The following PMFBP1 variants were observed in gnomAD, a reference collection of about 807,000 sequenced individuals.
PMFBP1 encodes polyamine-modulated factor 1-binding protein 1.
In PMFBP1, 131 loss-of-function variants were observed where a neutral mutation model predicts 137.8. That is an observed-to-expected ratio of 0.95 (90% confidence interval 0.82 to 1.10). The LOEUF (loss-of-function observed/expected upper bound fraction) is 1.10. Ranked by LOEUF, PMFBP1 falls within the 50% of genes least tolerant of loss-of-function variation. PMFBP1 has a pLI of 0.00. For missense variants in PMFBP1, 1,199 were observed against 1,175.4 expected, an observed-to-expected ratio of 1.02 and a Z score of -0.29; for synonymous variants, 490 against 450.4, an observed-to-expected ratio of 1.09 and a Z score of -1.11.
chr16:72,164,266 A>G, intron 3 of PMFBP1: 1 of 527,998 alleles, frequency 1.9e-6, no homozygotes, highest in Non-Finnish European at 3.2e-6. Flanking sequence ...TGAGAACCTG[A>G]GCTTGTCCTA....
At chr16:72,119,474 T>C (rs1296462901) in intron 20 of PMFBP1, 120 bp from the exon 21 acceptor site, 1 of 1,583,296 alleles carries the variant, frequency 6.3e-7, no homozygotes, top group Non-Finnish European at 8.6e-7. Flanking sequence ...GCCTCTGGGG[T>C]AACATGGAGT....
At chr16:72,170,558 T>C (rs2043206531) in intron 2 of PMFBP1, among the ~76,000 whole-genome samples, 1 of 152,052 alleles carries the variant, frequency 6.6e-6, no homozygotes, top group African/African-American at 2.4e-5. Context: ...GCCTCCTGAG[T>C]GGCTGGGACC....
the PMFBP1 span, among the ~76,000 whole-genome samples, chr16:72,197,573 C>T: frequency 6.6e-6 from 1 of 152,116 alleles, no homozygotes; most frequent in Non-Finnish European, 1.5e-5. Flanking sequence ...ATGGCTTCCT[C>T]GAGAGAGCAG....
At chr16:72,133,486 ATC>A (rs1308996620) in intron 9 of PMFBP1, among the ~76,000 whole-genome samples, 2 of 151,978 alleles carry the variant, frequency 1.3e-5, no homozygotes, top group Non-Finnish European at 2.9e-5. Context: ...GCCGTTTATT[ATC>A]TTAGTTTAGT....
the PMFBP1 span, among the ~76,000 whole-genome samples, chr16:72,247,738 G>A: frequency 2.6e-5 from 4 of 152,092 alleles, no homozygotes; most frequent in South Asian, 4.1e-4. Context: ...GGGATACAAA[G>A]AGCTTAATTT....
At chr16:72,212,986 A>G in the PMFBP1 span, among the ~76,000 whole-genome samples, 6 of 152,362 alleles carry the variant, frequency 3.9e-5, no homozygotes, top group East Asian at 1.9e-4. Context: ...GGGAATATCA[A>G]TATAACGACA....
At chr16:72,161,408 T>C (rs933177622) in intron 3 of PMFBP1, among the ~76,000 whole-genome samples, 2 of 152,120 alleles carry the variant, frequency 1.3e-5, no homozygotes, top group Non-Finnish European at 2.9e-5. Context: ...TTATCTGTTA[T>C]TTCTTATGTC....
At chr16:72,161,559 C>T (rs1162293803) in intron 3 of PMFBP1, among the ~76,000 whole-genome samples, 1 of 151,940 alleles carries the variant, frequency 6.6e-6, no homozygotes, top group African/African-American at 2.4e-5. Flanking sequence ...CTGACATTCA[C>T]TTTAAAAAAA....
the PMFBP1 span, among the ~76,000 whole-genome samples, chr16:72,238,220 T>C: frequency 6.6e-6 from 1 of 152,186 alleles, no homozygotes; most frequent in South Asian, 2.1e-4. Context: ...CTTTGAGGAG[T>C]TGCCATACTG....
chr16:72,241,687 G>A, the PMFBP1 span, among the ~76,000 whole-genome samples: 2 of 152,068 alleles, frequency 1.3e-5, no homozygotes, highest in African/African-American at 2.4e-5. Context: ...ACATCCCTTC[G>A]CTTGTGTTGC....
chr16:72,229,589 C>T, the PMFBP1 span, among the ~76,000 whole-genome samples: 1 of 151,864 alleles, frequency 6.6e-6, no homozygotes, highest in East Asian at 1.9e-4. Flanking sequence ...TTTAGATTTG[C>T]CTTTCTCTAA....
the PMFBP1 span, among the ~76,000 whole-genome samples, chr16:72,230,816 C>T: frequency 6.6e-6 from 1 of 152,178 alleles, no homozygotes; most frequent in African/African-American, 2.4e-5. Context: ...ACAGTGACCT[C>T]CCAACTGGTC....
At chr16:72,209,592 G>T in the PMFBP1 span, among the ~76,000 whole-genome samples, 1 of 151,858 alleles carries the variant, frequency 6.6e-6, no homozygotes, top group Admixed American at 6.6e-5. Flanking sequence ...AATATATGGA[G>T]ACATCTATCT....
chr16:72,239,608 T>C, the PMFBP1 span, among the ~76,000 whole-genome samples: 2 of 152,076 alleles, frequency 1.3e-5, no homozygotes, highest in Non-Finnish European at 2.9e-5. Context: ...AGAATGTTCC[T>C]GTTGGCTGGG....
At chr16:72,241,585 T>A in the PMFBP1 span, among the ~76,000 whole-genome samples, 4 of 152,184 alleles carry the variant, frequency 2.6e-5, no homozygotes, top group Admixed American at 2.6e-4. Context: ...TATCTCCCTC[T>A]CTACTTCATG....
chr16:72,197,014 G>A, the PMFBP1 span, among the ~76,000 whole-genome samples: 15 of 152,188 alleles, frequency 9.9e-5, no homozygotes, highest in African/African-American at 3.6e-4. Flanking sequence ...TTGGGAACAT[G>A]CATTTTAAAC....
chr16:72,213,006 C>T, the PMFBP1 span, among the ~76,000 whole-genome samples: 26 of 152,264 alleles, frequency 1.7e-4, no homozygotes, highest in African/African-American at 6.0e-4. Flanking sequence ...ATTTCAGACT[C>T]GAAAAGACTT....
At chr16:72,181,005 C>T (rs1340803260), upstream of PMFBP1, among the ~76,000 whole-genome samples, 1 of 152,128 alleles carries the variant, frequency 6.6e-6, no homozygotes, top group Non-Finnish European at 1.5e-5. Context: ...CTTTGGGAGG[C>T]CAAGGCGGGC....
chr16:72,164,401 A>G (rs1230585338), intron 3 of PMFBP1: 19 of 1,305,208 alleles, frequency 1.5e-5, no homozygotes, highest in Non-Finnish European at 1.9e-5. Flanking sequence ...TTTTATTTTC[A>G]TGGTTGACTT....
Sources: gnomAD v4.1 joint callset for allele counts (sites outside exome capture counted in the v4.1 genomes callset) on GRCh38, gnomAD v4.1.1 for gene constraint, MANE v1.5 for transcripts, NCBI Gene and HGNC (gene_info 2026-07-23, HGNC 2026-07-21) for gene names.